IKZF2: variants seen among roughly 807,000 people sequenced by gnomAD.
IKZF2 encodes the protein IKAROS family zinc finger 2.
A neutral mutation model predicts 49.2 loss-of-function variants in IKZF2; 15 were observed. The observed-to-expected ratio is 0.30, with a 90% confidence interval of 0.20 to 0.47. The LOEUF is 0.47. Among genes scored for constraint, IKZF2 ranks in the 20% least tolerant of loss-of-function variants. The pLI, the probability that IKZF2 is intolerant of heterozygous loss-of-function variation, is 1.00. For synonymous variants in IKZF2, 227 were observed against 221.4 expected (o/e 1.03, Z -0.23); for missense variants, 567 against 664.6 (o/e 0.85, Z 1.61).
intron 4 of IKZF2, among the ~76,000 whole-genome samples, chr2:213,114,003 G>T (rs765325847): frequency 2.0e-5 from 3 of 152,032 alleles, no homozygotes; most frequent in Non-Finnish European, 4.4e-5. Context: ...AATCAGTTAC[G>T]TCTAATACAT....
intron 8 of IKZF2, among the ~76,000 whole-genome samples, chr2:213,012,370 T>C (rs1167586785): frequency 1.3e-5 from 2 of 151,928 alleles, no homozygotes; most frequent in Non-Finnish European, 2.9e-5. Flanking sequence ...GAGTAGACTA[T>C]ATAAATTCAG....
chr2:213,101,359 CT>C (rs144369980), intron 4 of IKZF2, among the ~76,000 whole-genome samples: 1 of 152,134 alleles, frequency 6.6e-6, no homozygotes, highest in African/African-American at 2.4e-5. Flanking sequence ...AAAACTTTTT[CT>C]TCTTTCAGAG....
intron 4 of IKZF2, among the ~76,000 whole-genome samples, chr2:213,123,793 C>T (rs1255071162): frequency 1.3e-5 from 2 of 152,038 alleles, no homozygotes; most frequent in Admixed American, 6.5e-5. Context: ...ACACCTAGAG[C>T]ATCATTCCTC....
intron 8 of IKZF2, among the ~76,000 whole-genome samples, chr2:213,009,820 T>C (rs565652389): frequency 4.4e-4 from 67 of 152,106 alleles, no homozygotes; most frequent in African/African-American, 1.3e-3. Flanking sequence ...AGGACAATAA[T>C]GTGATTGTAA....
intron 7 of IKZF2, among the ~76,000 whole-genome samples, chr2:213,018,053 A>G (rs753609588): frequency 2.0e-5 from 3 of 152,136 alleles, no homozygotes; most frequent in Non-Finnish European, 4.4e-5. Context: ...CAAAGCATAA[A>G]CCTAACAATA....
At chr2:213,126,430 A>G (rs1367650941) in intron 4 of IKZF2, among the ~76,000 whole-genome samples, 4 of 152,156 alleles carry the variant, frequency 2.6e-5, no homozygotes, top group African/African-American at 9.7e-5. Flanking sequence ...AATAAACATT[A>G]GAGTTGTTTT....
At chr2:213,018,578 T>C (rs776195021) in intron 7 of IKZF2, among the ~76,000 whole-genome samples, 1 of 152,188 alleles carries the variant, frequency 6.6e-6, no homozygotes, top group Non-Finnish European at 1.5e-5. Flanking sequence ...GACATTTTTC[T>C]TGATTTGATT....
At chr2:213,147,681 A>ACAC in intron 4 of IKZF2, 27 bp downstream of exon 4, 3 of 1,533,506 alleles carry the variant, frequency 2.0e-6, no homozygotes, top group Non-Finnish European at 2.7e-6. Context: ...CACACACACA[A>ACAC]AAAAAAATCA....
intron 6 of IKZF2, among the ~76,000 whole-genome samples, chr2:213,039,187 A>C (rs1044785544): frequency 6.6e-6 from 1 of 152,074 alleles, no homozygotes; most frequent in Non-Finnish European, 1.5e-5. Flanking sequence ...GAATTTTCTC[A>C]TAATAGGTGA....
intron 6 of IKZF2, among the ~76,000 whole-genome samples, chr2:213,027,574 C>T (rs905638007): frequency 2.0e-5 from 3 of 152,040 alleles, no homozygotes; most frequent in Non-Finnish European, 4.4e-5. Context: ...ACTGATGGTA[C>T]CCTGGGTTTA....
At chr2:213,056,073 T>A (rs1701124910) in intron 5 of IKZF2, among the ~76,000 whole-genome samples, 2 of 152,178 alleles carry the variant, frequency 1.3e-5, no homozygotes, top group African/African-American at 4.8e-5. Flanking sequence ...CTGTTGCTTT[T>A]TAAGAAAAAA....
At chr2:213,021,441 A>T in intron 7 of IKZF2, 1 of 169,450 alleles carries the variant, frequency 5.9e-6, no homozygotes, top group Non-Finnish European at 1.3e-5. Context: ...ATTCATTGAT[A>T]AACCTTAGGG....
At position 213,057,078 on chromosome 2, in the gene IKZF2, A is replaced by T; in HGVS notation, c.161T>A (p.Met54Lys). 1.2e-6 allele frequency: 2 copies of T among 1,612,190 alleles called. No individual in the cohort carries two copies. Among genetic ancestry groups the T allele is most frequent in the Non-Finnish European group, 1.7e-6 (2 of 1,179,400 alleles). ...CCTGTCACACTCTTCATCACTCTGC[A>T]TTTCTAGCTTTACTGAATTTGCTGT... ...MTSTNSVKLE[M>K]QSDEECDRKP... Residue 54 changes from methionine to lysine, a missense_variant, in exon 5 of 9, where the codon ATG becomes AAG. By Grantham distance (95) the Met-to-Lys change is moderately conservative (BLOSUM62 -1). This residue lies in a region of IKZF2 where 156 missense variants were observed against 138.5 expected (regional missense o/e 1.13). Coordinates refer to ENST00000434687, the MANE Select transcript of IKZF2 (RefSeq NM_001387220.1).
At chr2:213,014,064 A>G (rs1696286933) in intron 7 of IKZF2, 130 bp from the exon 8 acceptor site, 2 of 741,220 alleles carry the variant, frequency 2.7e-6, no homozygotes, top group Non-Finnish European at 2.2e-6. Flanking sequence ...TAGAAAGAAT[A>G]CCCTCTAGTG....
At chr2:213,029,214 T>C (rs975192264) in intron 6 of IKZF2, among the ~76,000 whole-genome samples, 3 of 152,028 alleles carry the variant, frequency 2.0e-5, no homozygotes, top group African/African-American at 7.2e-5. Flanking sequence ...TTTTCTATTG[T>C]CTGGAGGAAT....
chr2:213,099,754 C>A (rs1192616955), intron 4 of IKZF2, among the ~76,000 whole-genome samples: 1 of 152,136 alleles, frequency 6.6e-6, no homozygotes, highest in Admixed American at 6.6e-5. Context: ...CAGTGACCAT[C>A]AGCACATTTT....
chr2:213,142,269 C>A (rs1220531317), intron 4 of IKZF2, among the ~76,000 whole-genome samples: 1 of 151,902 alleles, frequency 6.6e-6, no homozygotes, highest in Non-Finnish European at 1.5e-5. Context: ...CTATTTCTTT[C>A]TTAACCAAAA....
intron 6 of IKZF2, among the ~76,000 whole-genome samples, chr2:213,046,356 T>C (rs1700156351): frequency 6.6e-6 from 1 of 152,226 alleles, no homozygotes; most frequent in Admixed American, 6.5e-5. Context: ...CTGCTACTAC[T>C]GCTTCTCAAT....
intron 4 of IKZF2, among the ~76,000 whole-genome samples, chr2:213,111,293 A>G (rs6734843): frequency 0.036 from 5,438 of 152,122 alleles, 344 homozygotes; most frequent in African/African-American, 0.12. Context: ...GAAGTTCAGT[A>G]TAAGATATAA....
Sources: gnomAD v4.1 joint callset for allele counts (sites outside exome capture counted in the v4.1 genomes callset) on GRCh38, gnomAD v4.1.1 for gene constraint, gnomAD v4.1.1 regional missense constraint, MANE v1.5 for transcripts, NCBI Gene and HGNC (gene_info 2026-07-23, HGNC 2026-07-21) for gene names.